MRPS27: variants seen among roughly 807,000 people sequenced by gnomAD.
The protein encoded by MRPS27 is mitochondrial ribosomal protein S27, also known as small ribosomal subunit protein mS27.
Under a neutral mutation model 48.9 loss-of-function variants are expected in MRPS27, and 43 were observed. That is an observed-to-expected ratio of 0.88 (90% CI 0.69 to 1.13). The LOEUF (loss-of-function observed/expected upper bound fraction) is 1.13, where lower values mean the gene tolerates loss of function less well. MRPS27 is among the 50% of genes most tolerant of loss of function. The pLI, the probability that MRPS27 is intolerant of heterozygous loss-of-function variation, is 0.00. For synonymous variants in MRPS27, 188 were observed against 171.9 expected (o/e 1.09, Z -0.73); for missense variants, 467 against 476.3 (o/e 0.98, Z 0.18).
At chr5:72,234,774 A>G (rs1339807525) in intron 5 of MRPS27, among the ~76,000 whole-genome samples, 1 of 152,110 alleles carries the variant, frequency 6.6e-6, no homozygotes, top group Non-Finnish European at 1.5e-5. Flanking sequence ...GAGTGTTTTT[A>G]ACAATATAGA....
intron 4 of MRPS27, among the ~76,000 whole-genome samples, chr5:72,293,663 A>T (rs1171236968): frequency 6.6e-6 from 1 of 152,214 alleles, no homozygotes. Flanking sequence ...GCCTGCGCAC[A>T]TAATAGGTGC....
intron 4 of MRPS27, among the ~76,000 whole-genome samples, chr5:72,239,203 A>C (rs946611516): frequency 2.6e-5 from 4 of 152,176 alleles, no homozygotes; most frequent in African/African-American, 7.2e-5. Context: ...ACAGATGAAT[A>C]CTAGTGGCTT....
At chr5:72,263,501 T>C (rs1304343455) in intron 4 of MRPS27, among the ~76,000 whole-genome samples, 2 of 150,560 alleles carry the variant, frequency 1.3e-5, no homozygotes, top group East Asian at 1.9e-4. Flanking sequence ...CAGAGTGAAA[T>C]ATTTGCAATT....
At position 72,231,741 on chromosome 5, in the gene MRPS27, C is replaced by A. The variant is rs535708528; in HGVS notation, c.591+702G>T. 9.2e-5 allele frequency among the ~76,000 whole-genome samples: 14 copies of A among 152,152 alleles called. No individual in the cohort carries two copies. In the South Asian group the frequency reaches 2.3e-3, roughly 25 times the overall value. ...CCCAAACTGGGATTTTTGATGTTTA[C>A]AATTGAGGTTAAGGGCAGATGGCAG... On this transcript the variant is annotated intron_variant, in intron 7 of 10. Transcript: ENST00000261413.
chr5:72,223,328 G>A (rs1222440956), intron 10 of MRPS27, among the ~76,000 whole-genome samples: 2 of 152,222 alleles, frequency 1.3e-5, no homozygotes, highest in Non-Finnish European at 1.5e-5. Context: ...CACATTTAGT[G>A]CAAGATGGAG....
At chr5:72,260,834 T>A (rs982164863) in intron 4 of MRPS27, among the ~76,000 whole-genome samples, 4 of 152,214 alleles carry the variant, frequency 2.6e-5, no homozygotes, top group Admixed American at 6.5e-5. Flanking sequence ...TATTACTTTC[T>A]ACAGTAATTA....
At chr5:72,283,192 C>T (rs1749576288) in intron 4 of MRPS27, among the ~76,000 whole-genome samples, 1 of 152,114 alleles carries the variant, frequency 6.6e-6, no homozygotes, top group Non-Finnish European at 1.5e-5. Flanking sequence ...TCCTAAGACC[C>T]CAGTCACCTC....
At chr5:72,317,670 A>G (rs1750598965) in intron 1 of MRPS27, among the ~76,000 whole-genome samples, 1 of 149,552 alleles carries the variant, frequency 6.7e-6, no homozygotes, top group South Asian at 2.1e-4. Context: ...GAGCCACCAC[A>G]CCCGGCCTAA....
chr5:72,304,604 T>C (rs1420507111), intron 2 of MRPS27, among the ~76,000 whole-genome samples: 1 of 152,208 alleles, frequency 6.6e-6, no homozygotes, highest in Non-Finnish European at 1.5e-5. Context: ...CAAAAATTCA[T>C]TTTGCCAAGA....
Position 72,320,208 on chromosome 5 carries a change from A to G in MRPS27, c.14T>C (p.Ile5Thr), listed in dbSNP as rs1484461385. 8 of 1,613,802 alleles carry G rather than the reference A, an allele frequency of 5.0e-6. No individual in the cohort carries two copies. The highest frequency in any genetic ancestry group is 6.8e-6 in the Non-Finnish European group (8 of 1,179,866). ...CGCCAGGAGCATCCCGCGCCGCACTATGGAGGCAGCCATCTTGGAGCGTAC... is the reference window on the plus strand; with the variant it reads ...CGCCAGGAGCATCCCGCGCCGCACTGTGGAGGCAGCCATCTTGGAGCGTAC... MAAS[I>T]VRRGMLLARQ... The change falls in exon 1 of 11, where the codon ATA becomes ACA. Residue 5 changes from isoleucine to threonine, a missense_variant. Ile to Thr is a moderately conservative substitution (Grantham distance 89). Coordinates refer to ENST00000261413, the MANE Select transcript of MRPS27 (RefSeq NM_015084.3).
intron 1 of MRPS27, among the ~76,000 whole-genome samples, chr5:72,319,280 A>G (rs887031651): frequency 6.6e-6 from 1 of 152,220 alleles, no homozygotes; most frequent in African/African-American, 2.4e-5. Flanking sequence ...TTTAGTTCAG[A>G]TATCAAAGTA....
intron 3 of MRPS27, among the ~76,000 whole-genome samples, chr5:72,296,612 C>A (rs890996294): frequency 1.1e-4 from 16 of 152,044 alleles, no homozygotes; most frequent in Non-Finnish European, 1.5e-4. Flanking sequence ...GAAGTTTTAC[C>A]CATCATGTAA....
At chr5:72,233,450 A>G (rs537768648) in intron 6 of MRPS27, among the ~76,000 whole-genome samples, 1 of 152,296 alleles carries the variant, frequency 6.6e-6, no homozygotes, top group East Asian at 1.9e-4. Flanking sequence ...TATCACAAGC[A>G]CAACAAATGT....
At chr5:72,257,765 C>T (rs1748847884) in intron 4 of MRPS27, among the ~76,000 whole-genome samples, 2 of 152,126 alleles carry the variant, frequency 1.3e-5, no homozygotes, top group African/African-American at 4.8e-5. Flanking sequence ...TACTGTTTAT[C>T]TACCCAAGGA....
chr5:72,284,696 T>C (rs1487058221), intron 4 of MRPS27, among the ~76,000 whole-genome samples: 5 of 152,222 alleles, frequency 3.3e-5, no homozygotes, highest in African/African-American at 1.2e-4. Flanking sequence ...CACATACATA[T>C]ATACACATAA....
intron 3 of MRPS27, among the ~76,000 whole-genome samples, chr5:72,296,333 G>C (rs1163229834): frequency 6.6e-6 from 1 of 152,162 alleles, no homozygotes; most frequent in Non-Finnish European, 1.5e-5. Flanking sequence ...TTCTAAAAAT[G>C]CCTAGCACTT....
chr5:72,244,476 G>C (rs1453358183), intron 4 of MRPS27, among the ~76,000 whole-genome samples: 1 of 152,254 alleles, frequency 6.6e-6, no homozygotes, highest in South Asian at 2.1e-4. Context: ...TCATGAAACA[G>C]AAAGCAATCA....
chr5:72,294,775 G>A (rs375903183), intron 4 of MRPS27: 6 of 151,842 alleles, frequency 4.0e-5, no homozygotes, highest in South Asian at 2.1e-4. Flanking sequence ...AGTTCACATC[G>A]GGTAAAATTC....
intron 4 of MRPS27, among the ~76,000 whole-genome samples, chr5:72,276,912 T>G (rs1024665935): frequency 1.3e-5 from 2 of 152,128 alleles, no homozygotes; most frequent in South Asian, 2.1e-4. Flanking sequence ...GCACCTGTAG[T>G]CCCAGCTACT....
Sources: allele counts gnomAD v4.1 joint callset (sites outside exome capture counted in the v4.1 genomes callset), GRCh38; gene constraint gnomAD v4.1.1; transcripts MANE v1.5; gene names NCBI Gene and HGNC (gene_info 2026-07-23, HGNC 2026-07-21).